TTC34: variants seen among roughly 807,000 people sequenced by gnomAD.
TTC34 encodes tetratricopeptide repeat domain 34, also known as tetratricopeptide repeat protein 34.
In TTC34, 44 loss-of-function variants were observed where a neutral mutation model predicts 40.7. The ratio of observed to expected loss-of-function variants is 1.08; its 90% CI spans 0.85 to 1.39. The LOEUF is 1.39. Ranked by LOEUF, TTC34 falls within the 40% of genes most tolerant of loss-of-function variation. The pLI is 0.00. For missense variants in TTC34, 884 were observed against 838.0 expected (o/e 1.05, Z -0.68); for synonymous variants, 422 against 398.6 (o/e 1.06, Z -0.70).
At position 2,645,575 on chromosome 1, in the gene TTC34, G is replaced by T; in HGVS notation, c.2227-12C>A. On this transcript the variant is annotated splice_polypyrimidine_tract_variant and intron_variant, in intron 6 of 8. Transcript: ENST00000401095. The surrounding 1 kb of genome is among the most constrained non-coding windows in gnomAD (Gnocchi z 4.7). The stretch of plus-strand genomic sequence containing the variant: ...TCGTCCACGGCTTCCTGCAAGGAGG[G>T]AGGGCGGGCGGGTGCAGAGTTGTCC... 2.1e-6 allele frequency: 3 copies of T among 1,431,266 alleles called. No individual in the cohort carries two copies. Among genetic ancestry groups the T allele is most frequent in the Non-Finnish European group, 1.8e-6 (2 of 1,094,370 alleles). The allele number at this position is 1,431,266 out of a possible 1,614,324, so 88.7% of individuals were successfully genotyped here.
chr1:2,686,333 A>T (rs1640344337), intron 6 of TTC34, among the ~76,000 whole-genome samples: 3 of 151,712 alleles, frequency 2.0e-5, no homozygotes, highest in African/African-American at 7.3e-5. Context: ...CCAGGCGAGC[A>T]TCCGACAGCC....
chr1:2,782,407 G>A (rs6666430), intron 6 of TTC34, among the ~76,000 whole-genome samples: 58,769 of 151,892 alleles, frequency 0.39, 11,945 homozygotes, highest in East Asian at 0.55. Context: ...CCTGGCAAAA[G>A]GTTTGTCAAA....
rs1299270268 is a variant in TTC34, at chr1:2,752,825, G to A, written c.2226+30784C>T. 2.8e-4 allele frequency among the ~76,000 whole-genome samples: 41 copies of A among 146,612 alleles called. 5 individuals carry two copies. The highest frequency in any genetic ancestry group is 3.6e-4 in the African/African-American group (14 of 38,822). On this transcript the variant is annotated intron_variant, in intron 6 of 8. Coordinates refer to ENST00000401095, the Ensembl canonical transcript of TTC34. ...AACAGCTCCCTGCATCCCCAGGTGC[G>A]CACCTGACAGACTGGAACAGCACCC...
At chr1:2,768,548 G>C (rs1400973264) in intron 6 of TTC34, among the ~76,000 whole-genome samples, 1 of 151,838 alleles carries the variant, frequency 6.6e-6, no homozygotes, top group Non-Finnish European at 1.5e-5. Context: ...AACTGCAGGT[G>C]AGCATCTGAT....
At chr1:2,784,106 G>A (rs1282019417) in intron 5 of TTC34, among the ~76,000 whole-genome samples, 1 of 152,114 alleles carries the variant, frequency 6.6e-6, no homozygotes, top group Admixed American at 6.5e-5. Flanking sequence ...CCGAACGGCT[G>A]AGCGCACTGA....
chr1:2,691,601 C>G (rs915943976), intron 6 of TTC34, among the ~76,000 whole-genome samples: 4 of 119,868 alleles, frequency 3.3e-5, no homozygotes, highest in Non-Finnish European at 5.6e-5. Flanking sequence ...GAGACCCTGA[C>G]AGCCTGGAAC....
In TTC34 at chr1:2,752,829, C is replaced by G. The variant is rs1314414161; in HGVS notation, c.2226+30780G>C. Among the ~76,000 whole-genome samples the G allele has an allele frequency of 6.1e-5, 8 of 130,732 alleles. 2 individuals are homozygous for G. The highest frequency in any genetic ancestry group is 2.4e-4 in the African/African-American group (8 of 33,716). 85.8% of individuals were successfully genotyped at this position (130,732 alleles called of 152,430 possible). A position where few individuals can be genotyped will look rare whatever the true frequency, so the allele number is the denominator to read the frequency against. On this transcript the variant is annotated intron_variant, in intron 6 of 8. Coordinates refer to ENST00000401095, the Ensembl canonical transcript of TTC34. ...GCTCCCTGCATCCCCAGGTGCGCACCTGACAGACTGGAACAGCACCCACAC... is the reference window on the plus strand; with the variant it reads ...GCTCCCTGCATCCCCAGGTGCGCACGTGACAGACTGGAACAGCACCCACAC...
intron 5 of TTC34, among the ~76,000 whole-genome samples, chr1:2,784,218 T>C (rs1421973571): frequency 6.6e-6 from 1 of 152,140 alleles, no homozygotes; most frequent in Non-Finnish European, 1.5e-5. Flanking sequence ...CAGTGGGCCC[T>C]TCCCTCTTGG....
At chr1:2,676,972 C>G (rs1226389637) in intron 6 of TTC34, among the ~76,000 whole-genome samples, 6 of 135,158 alleles carry the variant, frequency 4.4e-5, no homozygotes, top group Admixed American at 2.9e-4. Context: ...CCTGCACCCC[C>G]AGGTGAGCAT....
intron 6 of TTC34, among the ~76,000 whole-genome samples, chr1:2,777,602 C>T (rs933856219): frequency 7.3e-5 from 11 of 150,862 alleles, no homozygotes; most frequent in African/African-American, 2.4e-4. Flanking sequence ...GGAGGAGGGG[C>T]CTGCTGCTGA....
intron 6 of TTC34, among the ~76,000 whole-genome samples, chr1:2,778,111 T>G (rs1643362461): frequency 1.3e-5 from 2 of 152,176 alleles, no homozygotes; most frequent in South Asian, 4.1e-4. Context: ...TGGGGGAAAC[T>G]TGGTGCCCTG....
At chr1:2,685,997 C>T (rs1267529704) in intron 6 of TTC34, among the ~76,000 whole-genome samples, 487 of 114,370 alleles carry the variant, frequency 4.3e-3, no homozygotes, top group Non-Finnish European at 6.2e-3. Context: ...TCAGCACCCA[C>T]ACCCCCAGGT....
intron 6 of TTC34, among the ~76,000 whole-genome samples, chr1:2,657,502 C>G (rs1227031347): frequency 1.6e-4 from 16 of 97,466 alleles, no homozygotes; most frequent in Admixed American, 9.9e-4. Context: ...CACCCACAAC[C>G]CCAGGCGAGC....
intron 6 of TTC34, among the ~76,000 whole-genome samples, chr1:2,749,651 T>C (rs1253197690): frequency 2.1e-5 from 2 of 93,338 alleles, no homozygotes; most frequent in East Asian, 3.3e-4. Flanking sequence ...CACCCAGAGG[T>C]GAGCATCCGA....
chr1:2,687,721 C>A, intron 6 of TTC34, among the ~76,000 whole-genome samples: 1 of 151,262 alleles, frequency 6.6e-6, no homozygotes, highest in Non-Finnish European at 1.5e-5. Context: ...GGAACAGCAC[C>A]CACACCCCCA....
Position 2,699,288 on chromosome 1 carries a change from C to A in TTC34, c.2227-53725G>T, listed in dbSNP as rs1424849812. ...ATCTGAAGTCATGGAGCAGCACCCACACCCCCAGGCGAGCATCTGACCGCA... is the reference window on the plus strand; with the variant it reads ...ATCTGAAGTCATGGAGCAGCACCCAAACCCCCAGGCGAGCATCTGACCGCA... On this transcript the variant is annotated intron_variant, in intron 6 of 8. Transcript: ENST00000401095. Among the ~76,000 whole-genome samples, 2 of 149,406 alleles carry A rather than the reference C, an allele frequency of 1.3e-5. 1 individual carries two copies. Among genetic ancestry groups the A allele is most frequent in the African/African-American group, 4.9e-5 (2 of 40,916 alleles).
chr1:2,788,653 G>A (rs1467427272), intron 3 of TTC34, among the ~76,000 whole-genome samples: 3 of 152,188 alleles, frequency 2.0e-5, no homozygotes, highest in African/African-American at 7.2e-5. Context: ...GGGGATGGGC[G>A]GTGGCCAGAT....
intron 6 of TTC34, among the ~76,000 whole-genome samples, chr1:2,691,771 G>T (rs1640630637): frequency 2.3e-5 from 2 of 85,726 alleles, no homozygotes; most frequent in African/African-American, 3.9e-5. Context: ...AACGCAAATA[G>T]CAGCACCCAC....
chr1:2,694,984 AC>A, intron 6 of TTC34, among the ~76,000 whole-genome samples: 1 of 149,788 alleles, frequency 6.7e-6, no homozygotes, highest in Non-Finnish European at 1.5e-5. Context: ...CTGGAGCAGC[AC>A]CCTGCACCCC....
Sources: allele counts gnomAD v4.1 joint callset (sites outside exome capture counted in the v4.1 genomes callset), GRCh38; gene constraint gnomAD v4.1.1; non-coding constraint Gnocchi (gnomAD v3.1); transcripts MANE v1.5; gene names NCBI Gene and HGNC (gene_info 2026-07-23, HGNC 2026-07-21).